The following MATN2 variants were observed in gnomAD, a reference collection of about 807,000 sequenced individuals.
MATN2 encodes matrilin-2.
MATN2 carries 69 observed loss-of-function variants against 103.2 expected under a neutral mutation model. That is an observed-to-expected ratio of 0.67 (90% CI 0.55 to 0.82). The LOEUF is 0.82. Ranked by LOEUF, MATN2 falls within the 40% of genes least tolerant of loss-of-function variation. The pLI is 0.00. For missense variants in MATN2, 1,023 were observed against 1,211.5 expected, an observed-to-expected ratio of 0.84 and a Z score of 2.31; for synonymous variants, 429 against 450.2, an observed-to-expected ratio of 0.95 and a Z score of 0.60.
intron 6 of MATN2, among the ~76,000 whole-genome samples, chr8:97,992,745 C>CAAAAAAAAAAAAAAAAAAAA (rs58985201): frequency 1.4e-4 from 7 of 49,580 alleles, no homozygotes; most frequent in Admixed American, 2.8e-4. Context: ...GACTCCATCT[C>CAAAAAAAAAAAAAAAAAAAA]AAAAAAAAAA....
intron 2 of MATN2, among the ~76,000 whole-genome samples, chr8:97,907,312 CTT>C (rs10557023): frequency 0.44 from 51,846 of 117,892 alleles, 10,684 homozygotes; most frequent in African/African-American, 0.54. Flanking sequence ...TCATAGCTCA[CTT>C]TTTTTTTTTT....
chr8:97,908,584 A>ACCATCTG (rs1819258158), intron 2 of MATN2, among the ~76,000 whole-genome samples: 4 of 152,138 alleles, frequency 2.6e-5, no homozygotes, highest in African/African-American at 9.7e-5. Flanking sequence ...TTATTTACCT[A>ACCATCTG]TTTGACCATC....
At position 98,036,002 on chromosome 8, in the gene MATN2, C is replaced by T; in HGVS notation, c.*290C>T. 1 of 272,176 alleles carries T rather than the reference C, an allele frequency of 3.7e-6. No individual in the cohort carries two copies. The highest frequency in any genetic ancestry group is 6.8e-6 in the Non-Finnish European group (1 of 146,530). The allele number at this position is 272,176 out of a possible 1,614,324, so 16.9% of individuals were successfully genotyped here. A position where few individuals can be genotyped will look rare whatever the true frequency, so the allele number is the denominator to read the frequency against. On this transcript the variant is annotated 3_prime_UTR_variant, in exon 19 of 19. Transcript: ENST00000254898. Reference sequence around the variant, plus strand: ...CTGTGGACACAACTTGCTTCTGCCTCATCCTGCCTTAGTGTGCAATCTCAT... The same window carrying T: ...CTGTGGACACAACTTGCTTCTGCCTTATCCTGCCTTAGTGTGCAATCTCAT...
At chr8:97,940,089 A>C (rs1810504122) in intron 3 of MATN2, among the ~76,000 whole-genome samples, 1 of 152,116 alleles carries the variant, frequency 6.6e-6, no homozygotes, top group Non-Finnish European at 1.5e-5. Flanking sequence ...AACCTTTTTG[A>C]GGTTCTTATG....
chr8:98,012,722 C>T (rs1425456981), intron 10 of MATN2, among the ~76,000 whole-genome samples: 2 of 152,150 alleles, frequency 1.3e-5, no homozygotes, highest in Admixed American at 6.5e-5. Context: ...TCAGCACACT[C>T]CCTTAAGCTA....
intron 7 of MATN2, among the ~76,000 whole-genome samples, chr8:98,001,636 G>GT (rs1374420783): frequency 1.3e-5 from 2 of 151,342 alleles, no homozygotes; most frequent in African/African-American, 2.4e-5. Context: ...AGCTAATTTT[G>GT]TTTTTTTGTT....
chr8:97,999,869 T>C (rs1384465143), intron 7 of MATN2, among the ~76,000 whole-genome samples: 3 of 151,622 alleles, frequency 2.0e-5, no homozygotes, highest in Non-Finnish European at 4.4e-5. Flanking sequence ...TTCTTTTTTT[T>C]TTTTTTTTTT....
intron 2 of MATN2, among the ~76,000 whole-genome samples, chr8:97,928,627 T>C (rs1810073203): frequency 6.6e-6 from 1 of 152,090 alleles, no homozygotes; most frequent in South Asian, 2.1e-4. Flanking sequence ...CAGGTGCCTG[T>C]GTGCAGCACC....
chr8:97,911,471 G>C (rs1809434027), intron 2 of MATN2, among the ~76,000 whole-genome samples: 1 of 152,014 alleles, frequency 6.6e-6, no homozygotes, highest in Admixed American at 6.6e-5. Context: ...CACTTTGGGA[G>C]GCCAAGGCAG....
chr8:97,906,771 A>G (rs974737891), intron 2 of MATN2, among the ~76,000 whole-genome samples: 1 of 152,172 alleles, frequency 6.6e-6, no homozygotes, highest in African/African-American at 2.4e-5. Context: ...AATTTGGTTT[A>G]TAGGTATAAA....
At chr8:97,953,663 G>T (rs1339970643) in intron 4 of MATN2, among the ~76,000 whole-genome samples, 1 of 152,168 alleles carries the variant, frequency 6.6e-6, no homozygotes, top group Non-Finnish European at 1.5e-5. Flanking sequence ...GCACATGCCT[G>T]TAATCCCAGC....
intron 5 of MATN2, among the ~76,000 whole-genome samples, chr8:97,961,847 A>G (rs1811326394): frequency 6.6e-6 from 1 of 152,160 alleles, no homozygotes; most frequent in Non-Finnish European, 1.5e-5. Context: ...TATGTTTGGA[A>G]TGGCCTGACT....
intron 3 of MATN2, among the ~76,000 whole-genome samples, chr8:97,932,597 C>T (rs888073544): frequency 1.3e-5 from 2 of 152,212 alleles, no homozygotes; most frequent in Non-Finnish European, 2.9e-5. Flanking sequence ...TTATCTCTAC[C>T]CCTGCTGCTG....
At chr8:97,891,250 T>G (rs1818616662) in intron 2 of MATN2, among the ~76,000 whole-genome samples, 1 of 152,242 alleles carries the variant, frequency 6.6e-6, no homozygotes, top group Non-Finnish European at 1.5e-5. Flanking sequence ...CAACTCTGCC[T>G]GCTGAGCAGG....
chr8:97,930,804 T>C (rs1810156478), intron 2 of MATN2, 149 bp from the exon 3 acceptor site: 2 of 560,810 alleles, frequency 3.6e-6, no homozygotes, highest in Non-Finnish European at 6.2e-6. Context: ...GTATTTTTAG[T>C]AGAGACAGGG....
At chr8:97,929,763 C>T (rs948944998) in intron 2 of MATN2, among the ~76,000 whole-genome samples, 1 of 152,176 alleles carries the variant, frequency 6.6e-6, no homozygotes, top group Non-Finnish European at 1.5e-5. Context: ...CTGAGTCCCC[C>T]TCTCAATGAG....
intron 10 of MATN2, among the ~76,000 whole-genome samples, chr8:98,011,113 T>A (rs1441804587): frequency 1.3e-5 from 2 of 152,196 alleles, no homozygotes; most frequent in African/African-American, 4.8e-5. Flanking sequence ...CCCAGCTGTG[T>A]CCTCATATTG....
intron 16 of MATN2, among the ~76,000 whole-genome samples, 192 bp from the exon 17 acceptor site, chr8:98,032,847 TTTG>T (rs1028374185): frequency 1.1e-4 from 16 of 151,736 alleles, no homozygotes; most frequent in Admixed American, 3.3e-4. Flanking sequence ...TGTTTTGTTT[TTTG>T]TTGTTGTTGT....
At chr8:97,930,099 C>G (rs1214130121) in intron 2 of MATN2, among the ~76,000 whole-genome samples, 2 of 152,236 alleles carry the variant, frequency 1.3e-5, no homozygotes, top group African/African-American at 2.4e-5. Context: ...CTCCTTCTCT[C>G]TAATCCAAAC....
Sources: allele counts gnomAD v4.1 joint callset (sites outside exome capture counted in the v4.1 genomes callset), GRCh38; gene constraint gnomAD v4.1.1; transcripts MANE v1.5; gene names NCBI Gene and HGNC (gene_info 2026-07-23, HGNC 2026-07-21).